The following DPP10 variants were observed in gnomAD, a reference collection of about 807,000 sequenced individuals.
DPP10 encodes the protein inactive dipeptidyl peptidase 10.
Under a neutral mutation model 120.9 loss-of-function variants are expected in DPP10, and 33 were observed. The observed-to-expected ratio is 0.27, with a 90% CI of 0.21 to 0.37. The LOEUF (loss-of-function observed/expected upper bound fraction) is 0.37, where lower values mean the gene tolerates loss of function less well. Ranked by LOEUF, DPP10 falls within the 10% of genes least tolerant of loss-of-function variation. DPP10 has a pLI of 1.00. For missense variants in DPP10, 816 were observed against 942.8 expected, an observed-to-expected ratio of 0.87 and a Z score of 1.76; for synonymous variants, 337 against 326.1, an observed-to-expected ratio of 1.03 and a Z score of -0.36.
chr2:115,572,129 A>C (rs2081368900), intron 5 of DPP10, among the ~76,000 whole-genome samples: 1 of 152,088 alleles, frequency 6.6e-6, no homozygotes, highest in Admixed American at 6.5e-5. Flanking sequence ...AGATGTCTAC[A>C]TTTTATCAAG....
At chr2:115,417,748 T>A (rs1022623733) in intron 3 of DPP10, among the ~76,000 whole-genome samples, 1 of 152,208 alleles carries the variant, frequency 6.6e-6, no homozygotes. Context: ...TTATGATACC[T>A]CACTTCTTCT....
intron 1 of DPP10, among the ~76,000 whole-genome samples, chr2:114,511,770 C>T (rs138291376): frequency 5.3e-4 from 81 of 152,308 alleles, no homozygotes; most frequent in African/African-American, 1.8e-3. Context: ...GCTCAAACTT[C>T]TCCTGCAAGT....
At chr2:115,409,773 G>A (rs2068802498) in intron 3 of DPP10, among the ~76,000 whole-genome samples, 1 of 152,096 alleles carries the variant, frequency 6.6e-6, no homozygotes, top group Non-Finnish European at 1.5e-5. Flanking sequence ...AATGTCCTTC[G>A]ACCAACAAGT....
intron 1 of DPP10, among the ~76,000 whole-genome samples, chr2:114,719,261 C>T (rs538413955): frequency 6.6e-6 from 1 of 152,256 alleles, no homozygotes; most frequent in African/African-American, 2.4e-5. Flanking sequence ...TAAGTTCCAG[C>T]CTAGGCATTC....
intron 1 of DPP10, among the ~76,000 whole-genome samples, chr2:115,231,172 A>G (rs2057716571): frequency 6.6e-6 from 1 of 152,068 alleles, no homozygotes; most frequent in Admixed American, 6.6e-5. Flanking sequence ...GTAGAAAAAA[A>G]ATAGTCTGGT....
intron 7 of DPP10, among the ~76,000 whole-genome samples, chr2:115,696,589 T>G (rs1263046087): frequency 6.6e-6 from 1 of 152,194 alleles, no homozygotes; most frequent in Non-Finnish European, 1.5e-5. Flanking sequence ...CCACTAGACC[T>G]GCCCTGCAAG....
intron 1 of DPP10, among the ~76,000 whole-genome samples, chr2:115,171,370 AAAAAG>A (rs1289814987): frequency 1.3e-3 from 194 of 145,008 alleles, no homozygotes; most frequent in Middle Eastern, 7.3e-3. Flanking sequence ...AAAAAAAAAA[AAAAAG>A]AAAAGAAAAG....
chr2:115,190,997 G>A (rs1187365099), intron 1 of DPP10, among the ~76,000 whole-genome samples: 1 of 152,188 alleles, frequency 6.6e-6, no homozygotes, highest in Admixed American at 6.5e-5. Flanking sequence ...AGAGGAAGAA[G>A]GAGGTGCAGG....
At chr2:115,402,641 TAA>T (rs745962407) in intron 3 of DPP10, among the ~76,000 whole-genome samples, 5 of 136,858 alleles carry the variant, frequency 3.7e-5, no homozygotes, top group South Asian at 2.3e-4. Flanking sequence ...TGAATCAGTT[TAA>T]AAAAAAAAAA....
intron 1 of DPP10, among the ~76,000 whole-genome samples, chr2:114,505,144 A>T (rs997555683): frequency 2.6e-5 from 4 of 151,570 alleles, no homozygotes; most frequent in Non-Finnish European, 5.9e-5. Flanking sequence ...TTTTACATAT[A>T]TGTGGAAGTC....
At chr2:115,506,806 A>G (rs2076967674) in intron 4 of DPP10, among the ~76,000 whole-genome samples, 1 of 152,154 alleles carries the variant, frequency 6.6e-6, no homozygotes, top group Non-Finnish European at 1.5e-5. Context: ...CAGTAAGGAA[A>G]CATTATATAG....
chr2:114,825,265 C>T lies in DPP10; in HGVS notation c.60+382427C>T, dbSNP rs1401827848. The stretch of plus-strand genomic sequence containing the variant: ...TAACATTTAATATCTGGGACTTCCT[C>T]ACAGGAGGAAAATGTCATGAAAGAG... On this transcript the variant is annotated intron_variant, in intron 1 of 25. Coordinates refer to ENST00000410059, the MANE Select transcript of DPP10 (RefSeq NM_020868.6). Among the ~76,000 whole-genome samples the T allele has an allele frequency of 2.0e-5, 3 of 152,132 alleles. No homozygotes were observed. The East Asian group carries it at 5.8e-4, about 29-fold the overall frequency.
chr2:114,661,981 G>C (rs1477739533), intron 1 of DPP10, among the ~76,000 whole-genome samples: 1 of 151,298 alleles, frequency 6.6e-6, no homozygotes, highest in African/African-American at 2.4e-5. Flanking sequence ...ACTCCAGCCT[G>C]AGCAACAAGA....
intron 3 of DPP10, among the ~76,000 whole-genome samples, chr2:115,440,698 C>A (rs2071956880): frequency 6.6e-6 from 1 of 152,134 alleles, no homozygotes; most frequent in Admixed American, 6.5e-5. Context: ...TCAAAAGAAG[C>A]AAAATGGTTA....
chr2:114,692,535 A>T (rs1368507272), intron 1 of DPP10, among the ~76,000 whole-genome samples: 1 of 151,858 alleles, frequency 6.6e-6, no homozygotes, highest in Non-Finnish European at 1.5e-5. Flanking sequence ...CCATGTGGTG[A>T]TGAAAAGAAT....
chr2:115,010,390 TG>T (rs1408013114), intron 1 of DPP10, among the ~76,000 whole-genome samples: 1 of 152,140 alleles, frequency 6.6e-6, no homozygotes, highest in African/African-American at 2.4e-5. Context: ...TGAGAATATA[TG>T]GATATAGTTT....
At chr2:115,720,975 A>G (rs1351061503) in intron 7 of DPP10, among the ~76,000 whole-genome samples, 1 of 152,292 alleles carries the variant, frequency 6.6e-6, no homozygotes, top group Middle Eastern at 3.4e-3. Context: ...TTCAAGTTCT[A>G]TTAGGCAGGG....
chr2:115,385,871 T>A (rs959597361), intron 3 of DPP10, among the ~76,000 whole-genome samples: 1 of 152,200 alleles, frequency 6.6e-6, no homozygotes, highest in African/African-American at 2.4e-5. Flanking sequence ...GTATCACATC[T>A]TTCCACTCCT....
At chr2:114,580,313 T>G (rs1195909633) in intron 1 of DPP10, among the ~76,000 whole-genome samples, 1 of 152,226 alleles carries the variant, frequency 6.6e-6, no homozygotes, top group Admixed American at 6.5e-5. Context: ...ACATTAAAGA[T>G]GTGATTAATG....
Sources: gnomAD v4.1 joint callset for allele counts (sites outside exome capture counted in the v4.1 genomes callset) on GRCh38, gnomAD v4.1.1 for gene constraint, MANE v1.5 for transcripts, NCBI Gene and HGNC (gene_info 2026-07-23, HGNC 2026-07-21) for gene names.